The following S100Z variants were observed in gnomAD, a reference collection of about 807,000 sequenced individuals.
S100Z encodes S100 calcium binding protein Z.
A neutral mutation model predicts 8.5 loss-of-function variants in S100Z; 11 were observed. The observed-to-expected ratio is 1.30, with a 90% CI of 0.82 to 2.15. S100Z has a LOEUF of 2.15. Among genes scored for constraint, S100Z ranks in the 30% most tolerant of loss-of-function variants. The pLI is 0.00. For synonymous variants in S100Z, 34 were observed against 43.8 expected (o/e 0.78, Z 0.89); for missense variants, 126 against 117.9 (o/e 1.07, Z -0.32).
intron 1 of S100Z, among the ~76,000 whole-genome samples, chr5:76,855,448 T>C (rs749640969): frequency 6.6e-6 from 1 of 152,158 alleles, no homozygotes; most frequent in Non-Finnish European, 1.5e-5. Flanking sequence ...CTTGCAGCAG[T>C]GTGCCCTGAG....
chr5:76,928,619 A>G, the S100Z span, among the ~76,000 whole-genome samples: 1 of 152,380 alleles, frequency 6.6e-6, no homozygotes, highest in Non-Finnish European at 1.5e-5. Context: ...TGAAGACAGA[A>G]GCAGCTCAGG....
intron 1 of S100Z, among the ~76,000 whole-genome samples, chr5:76,854,950 C>G (rs1049965221): frequency 2.0e-5 from 3 of 152,256 alleles, no homozygotes; most frequent in Admixed American, 6.5e-5. Context: ...CTCAGCCATT[C>G]CAGTTCCAGC....
the S100Z span, among the ~76,000 whole-genome samples, chr5:76,942,127 A>G: frequency 6.6e-6 from 1 of 151,850 alleles, no homozygotes; most frequent in East Asian, 1.9e-4. Flanking sequence ...TATTATTATT[A>G]TTTTGTAGAC....
chr5:76,889,425 C>T (rs2150659188), intron 4 of S100Z, among the ~76,000 whole-genome samples: 1 of 152,352 alleles, frequency 6.6e-6, no homozygotes, highest in South Asian at 2.1e-4. Context: ...ATATACTACT[C>T]ATGCAAGAGA....
chr5:76,936,656 CAA>C, the S100Z span, among the ~76,000 whole-genome samples: 10 of 111,918 alleles, frequency 8.9e-5, no homozygotes, highest in African/African-American at 1.9e-4. Flanking sequence ...CACACACACA[CAA>C]CCATGAAGGA....
Position 76,896,006 on chromosome 5 carries a change from A to C in S100Z, c.*2+18172A>C, listed in dbSNP as rs530030685. On this transcript the variant is annotated intron_variant, in intron 4 of 4. Transcript: ENST00000317593. ...TTGAACTCCTGACCTCAAGTGATCCACTTGCCTCGGCCTCTTAAGGTGACG... is the reference window on the plus strand; with the variant it reads ...TTGAACTCCTGACCTCAAGTGATCCCCTTGCCTCGGCCTCTTAAGGTGACG... Among the ~76,000 whole-genome samples, 343 of 151,484 alleles carry C rather than the reference A, an allele frequency of 2.3e-3. 2 individuals are homozygous for C. Among genetic ancestry groups the C allele is most frequent in the African/African-American group, 7.9e-3 (325 of 41,358 alleles).
At chr5:76,913,486 C>A (rs947253501) in intron 4 of S100Z, among the ~76,000 whole-genome samples, 3 of 152,174 alleles carry the variant, frequency 2.0e-5, no homozygotes, top group Non-Finnish European at 2.9e-5. Flanking sequence ...CTTATAGAAT[C>A]AGGAAGGAAT....
chr5:76,911,942 CTT>C (rs983548610), intron 4 of S100Z, among the ~76,000 whole-genome samples: 5 of 152,132 alleles, frequency 3.3e-5, no homozygotes, highest in African/African-American at 1.2e-4. Flanking sequence ...GTATACTTCT[CTT>C]TATACATCAC....
At chr5:76,906,845 C>T (rs543346792) in intron 4 of S100Z, among the ~76,000 whole-genome samples, 20 of 151,602 alleles carry the variant, frequency 1.3e-4, no homozygotes, top group African/African-American at 4.6e-4. Context: ...GTTGGCCAGG[C>T]TGGTCTCAAA....
At chr5:76,905,809 A>G (rs948385734) in intron 4 of S100Z, among the ~76,000 whole-genome samples, 4 of 152,194 alleles carry the variant, frequency 2.6e-5, no homozygotes, top group East Asian at 1.9e-4. Flanking sequence ...CTGAGCCATC[A>G]CAGTACTTTA....
At chr5:76,900,080 GT>G in intron 4 of S100Z, among the ~76,000 whole-genome samples, 1 of 152,244 alleles carries the variant, frequency 6.6e-6, no homozygotes, top group Middle Eastern at 3.4e-3. Flanking sequence ...GGCCTGTAAG[GT>G]TTCCACTGAA....
chr5:76,942,295 A>G, the S100Z span, among the ~76,000 whole-genome samples: 1 of 151,892 alleles, frequency 6.6e-6, no homozygotes, highest in Non-Finnish European at 1.5e-5. Flanking sequence ...TATTTTTAGT[A>G]GAGACGGGGT....
chr5:76,872,982 TAATA>T (rs888745776), intron 2 of S100Z, among the ~76,000 whole-genome samples: 5 of 152,108 alleles, frequency 3.3e-5, no homozygotes, highest in South Asian at 2.1e-4. Flanking sequence ...TCAAAAATAA[TAATA>T]AATAAATAAA....
chr5:76,915,653 A>T (rs1275911477), intron 4 of S100Z, among the ~76,000 whole-genome samples: 3 of 151,970 alleles, frequency 2.0e-5, no homozygotes, highest in Non-Finnish European at 2.9e-5. Flanking sequence ...AATAAATAAA[A>T]AAGATAAAGT....
At chr5:76,897,174 C>T (rs958712499) in intron 4 of S100Z, among the ~76,000 whole-genome samples, 8 of 151,928 alleles carry the variant, frequency 5.3e-5, no homozygotes, top group East Asian at 3.9e-4. Flanking sequence ...TAGGATTGGC[C>T]GGGTGCGGTG....
chr5:76,850,677 G>C (rs1750703744), intron 1 of S100Z, among the ~76,000 whole-genome samples: 1 of 152,176 alleles, frequency 6.6e-6, no homozygotes, highest in Non-Finnish European at 1.5e-5. Context: ...ACACTGGCCA[G>C]TGCTGGGCAT....
In S100Z at chr5:76,889,392, T is replaced by G. The variant is rs6898000; in HGVS notation, c.*2+11558T>G. Reference sequence around the variant, plus strand: ...AATTGAACACATATGTTGGATGTGTTTAAGTTTGTTTTTTACAAGTTAATA... The same window carrying G: ...AATTGAACACATATGTTGGATGTGTGTAAGTTTGTTTTTTACAAGTTAATA... On this transcript the variant is annotated intron_variant, in intron 4 of 4. Coordinates refer to ENST00000317593, the MANE Select transcript of S100Z (RefSeq NM_130772.4). 7.2e-3 allele frequency among the ~76,000 whole-genome samples: 1,092 copies of G among 152,320 alleles called. 14 individuals are homozygous for G. The highest frequency in any genetic ancestry group is 0.025 in the African/African-American group (1,042 of 41,550).
chr5:76,850,838 A>T (rs1464351659), intron 1 of S100Z, among the ~76,000 whole-genome samples: 1 of 152,000 alleles, frequency 6.6e-6, no homozygotes, highest in Non-Finnish European at 1.5e-5. Flanking sequence ...TTTTTTTCTG[A>T]GATGGAGTTT....
chr5:76,895,652 G>T (rs1744007830), intron 4 of S100Z, among the ~76,000 whole-genome samples: 1 of 151,486 alleles, frequency 6.6e-6, no homozygotes, highest in Non-Finnish European at 1.5e-5. Context: ...AAAGAATAGG[G>T]TATCCTTTCC....
Sources: gnomAD v4.1 joint callset for allele counts (sites outside exome capture counted in the v4.1 genomes callset) on GRCh38, gnomAD v4.1.1 for gene constraint, MANE v1.5 for transcripts, NCBI Gene and HGNC (gene_info 2026-07-23, HGNC 2026-07-21) for gene names.